PCSK6: variants seen among roughly 807,000 people sequenced by gnomAD.
PCSK6 encodes the protein paired basic amino acid cleaving enzyme 4.
PCSK6 carries 85 observed loss-of-function variants against 123.3 expected under a neutral mutation model. The observed-to-expected ratio is 0.69, with a 90% confidence interval of 0.58 to 0.83. The LOEUF (loss-of-function observed/expected upper bound fraction) is 0.83, where lower values mean the gene tolerates loss of function less well. Ranked by LOEUF, PCSK6 falls within the 40% of genes least tolerant of loss-of-function variation. The probability of loss-of-function intolerance (pLI) is 0.00; values close to 1 mark genes in which losing one functional copy is unlikely to be tolerated. For missense variants in PCSK6, 1,191 were observed against 1,282.3 expected (o/e 0.93, Z 1.09); for synonymous variants, 508 against 516.0 (o/e 0.98, Z 0.21).
chr15:101,326,392 C>T lies in PCSK6; in HGVS notation c.2165G>A (p.Ser722Asn). 1 of 1,574,876 alleles carries T rather than the reference C, an allele frequency of 6.3e-7. No homozygotes were observed. Among genetic ancestry groups the T allele is most frequent in the Admixed American group, 1.8e-5 (1 of 54,518 alleles). The change falls in exon 16 of 22, where the codon AGT (serine) becomes AAT (asparagine). Residue 722 changes from serine to asparagine, a missense_variant. Ser to Asn is a conservative substitution (Grantham distance 46). Transcript: ENST00000611716. Reference sequence around the variant, plus strand: ...CATGCATTACCTGCTGGTCTTGACACTCCCCAGGCTGAAGTGGACGCAGTT... The same window carrying T: ...CATGCATTACCTGCTGGTCTTGACATTCCCCAGGCTGAAGTGGACGCAGTT... Reference protein sequence around the residue: ...CLNCVHFSLGSVKTSRKCVSV... With the variant: ...CLNCVHFSLGNVKTSRKCVSV...
chr15:101,423,785 A>AT (rs575846504), intron 6 of PCSK6, among the ~76,000 whole-genome samples: 1 of 152,050 alleles, frequency 6.6e-6, no homozygotes. Context: ...AATATTGACA[A>AT]TTTTTTTTCC....
At chr15:101,408,253 C>T (rs935934127) in intron 6 of PCSK6, among the ~76,000 whole-genome samples, 2 of 152,238 alleles carry the variant, frequency 1.3e-5, no homozygotes, top group Admixed American at 1.3e-4. Context: ...GAAAAGGAGA[C>T]GTTCATGCCG....
chr15:101,345,331 T>G (rs894589022), intron 13 of PCSK6, among the ~76,000 whole-genome samples: 4 of 152,258 alleles, frequency 2.6e-5, no homozygotes, highest in African/African-American at 9.6e-5. Context: ...TTGGAGTAAT[T>G]TGTTAGCAAC....
At chr15:101,352,480 T>C (rs1596218260) in intron 13 of PCSK6, among the ~76,000 whole-genome samples, 1 of 152,368 alleles carries the variant, frequency 6.6e-6, no homozygotes, top group East Asian at 1.9e-4. Flanking sequence ...TCTAATTTTA[T>C]GTGTATGCAT....
intron 17 of PCSK6, among the ~76,000 whole-genome samples, chr15:101,324,526 G>A (rs1234799179): frequency 5.3e-5 from 8 of 152,222 alleles, no homozygotes; most frequent in African/African-American, 1.9e-4. Flanking sequence ...GTTCAAGAGT[G>A]GCTGGCCCTA....
intron 1 of PCSK6, among the ~76,000 whole-genome samples, chr15:101,485,304 A>G (rs1431607173): frequency 6.6e-6 from 1 of 151,944 alleles, no homozygotes; most frequent in African/African-American, 2.4e-5. Context: ...TTTTTTTCTT[A>G]GTGATTTATA....
At chr15:101,447,168 C>A (rs1359562728) in intron 1 of PCSK6, among the ~76,000 whole-genome samples, 1 of 152,154 alleles carries the variant, frequency 6.6e-6, no homozygotes, top group South Asian at 2.1e-4. Flanking sequence ...GCAGGGTCCA[C>A]CCCAGGTACG....
intron 11 of PCSK6, among the ~76,000 whole-genome samples, chr15:101,372,078 T>C (rs567813170): frequency 1.2e-3 from 179 of 152,336 alleles, no homozygotes; most frequent in African/African-American, 4.1e-3. Context: ...GCTGTTTCTG[T>C]GTCCAGGCTG....
intron 2 of PCSK6, among the ~76,000 whole-genome samples, chr15:101,432,840 C>G (rs1174033448): frequency 2.6e-5 from 4 of 152,088 alleles, no homozygotes; most frequent in Non-Finnish European, 4.4e-5. Context: ...ACAGTAAGGA[C>G]ATAAGTAAAT....
At chr15:101,464,809 G>A (rs1462658139) in intron 1 of PCSK6, among the ~76,000 whole-genome samples, 3 of 152,168 alleles carry the variant, frequency 2.0e-5, no homozygotes, top group African/African-American at 4.8e-5. Flanking sequence ...TCCTAAAGAA[G>A]TCCATGGAGG....
At chr15:101,392,320 C>T (rs1332548928) in intron 8 of PCSK6, among the ~76,000 whole-genome samples, 9 of 152,182 alleles carry the variant, frequency 5.9e-5, no homozygotes, top group Non-Finnish European at 7.4e-5. Context: ...ACCAGGCTGG[C>T]GACAGAACGA....
rs114570395 is a variant in PCSK6, at chr15:101,484,697, G to T, written c.297+4677C>A. Among the ~76,000 whole-genome samples the T allele has an allele frequency of 4.0e-3, 616 of 152,286 alleles. 2 individuals carry two copies. The highest frequency in any genetic ancestry group is 0.014 in the African/African-American group (584 of 41,554). The stretch of plus-strand genomic sequence containing the variant: ...TGAGCCACCACGCCCGGCCTGCTTT[G>T]TGTGTTTCTTAACGTTTACATGAAT... On this transcript the variant is annotated intron_variant, in intron 1 of 21. Coordinates refer to ENST00000611716, the MANE Select transcript of PCSK6 (RefSeq NM_002570.5).
intron 13 of PCSK6, among the ~76,000 whole-genome samples, chr15:101,343,611 T>C (rs915997538): frequency 2.0e-5 from 3 of 152,242 alleles, no homozygotes; most frequent in African/African-American, 7.2e-5. Flanking sequence ...ATAAATTATT[T>C]AGAAGTATTT....
At chr15:101,411,271 G>A (rs2055674013) in intron 6 of PCSK6, among the ~76,000 whole-genome samples, 1 of 152,206 alleles carries the variant, frequency 6.6e-6, no homozygotes, top group South Asian at 2.1e-4. Flanking sequence ...AGGCCTCGGA[G>A]TAAGGAGCTA....
chr15:101,450,145 C>T (rs12441347), intron 1 of PCSK6, among the ~76,000 whole-genome samples: 19 of 152,226 alleles, frequency 1.2e-4, no homozygotes, highest in Admixed American at 3.9e-4. Flanking sequence ...CTCCCCTCAT[C>T]GCACCAGCCC....
At chr15:101,468,203 G>T (rs950880960) in intron 1 of PCSK6, among the ~76,000 whole-genome samples, 1 of 152,066 alleles carries the variant, frequency 6.6e-6, no homozygotes, top group Non-Finnish European at 1.5e-5. Context: ...CTAGTTTGTG[G>T]GTTAGCAGTA....
At chr15:101,459,734 T>C (rs556370887) in intron 1 of PCSK6, among the ~76,000 whole-genome samples, 1 of 151,194 alleles carries the variant, frequency 6.6e-6, no homozygotes, top group African/African-American at 2.4e-5. Context: ...CTCACCCTGA[T>C]GCCTCCCACC....
chr15:101,325,073 G>A (rs1168556522), intron 16 of PCSK6, 27 bp from the exon 17 acceptor site: 4 of 1,568,466 alleles, frequency 2.6e-6, no homozygotes, highest in Non-Finnish European at 3.5e-6. Flanking sequence ...AGGAGGGTGA[G>A]GGCCTTGCCA....
intron 1 of PCSK6, among the ~76,000 whole-genome samples, chr15:101,460,466 C>T (rs1410018391): frequency 2.0e-5 from 3 of 152,176 alleles, no homozygotes; most frequent in Admixed American, 6.5e-5. Flanking sequence ...ATTCCAGGGG[C>T]CATAAGGGAC....
Sources: allele counts gnomAD v4.1 joint callset (sites outside exome capture counted in the v4.1 genomes callset), GRCh38; gene constraint gnomAD v4.1.1; transcripts MANE v1.5; gene names NCBI Gene and HGNC (gene_info 2026-07-23, HGNC 2026-07-21).